ACOT11: variants seen among roughly 807,000 people sequenced by gnomAD.
ACOT11 encodes the protein acyl-CoA thioesterase 11.
In ACOT11, 69 loss-of-function variants were observed where a neutral mutation model predicts 77.5. The observed-to-expected ratio is 0.89, with a 90% CI of 0.73 to 1.09. The LOEUF (loss-of-function observed/expected upper bound fraction) is 1.09. Among genes scored for constraint, ACOT11 ranks in the 50% least tolerant of loss-of-function variants. ACOT11 has a pLI of 0.00. For synonymous variants in ACOT11, 279 were observed against 313.0 expected (o/e 0.89, Z 1.15); for missense variants, 766 against 813.7 (o/e 0.94, Z 0.71).
intron 1 of ACOT11, among the ~76,000 whole-genome samples, chr1:54,556,270 C>G (rs1274039921): frequency 1.3e-5 from 2 of 152,214 alleles, no homozygotes; most frequent in Non-Finnish European, 2.9e-5. Flanking sequence ...CACTACCATA[C>G]TGTTTTGGTT....
chr1:54,593,997 C>G lies in ACOT11; in HGVS notation c.429C>G (p.Cys143Trp). The change falls in exon 5 of 16, where the codon TGC (cysteine) becomes TGG (tryptophan). Residue 143 changes from cysteine (C) to tryptophan (W), a missense_variant. By Grantham distance (215) the Cys-to-Trp change is radical. Coordinates refer to ENST00000343744, the MANE Select transcript of ACOT11 (RefSeq NM_147161.4). ...DLCSEKQWNVCKALATFVARR... is the reference protein window; with the variant it reads ...DLCSEKQWNVWKALATFVARR... ...GCTCTGAGAAGCAGTGGAATGTGTGCAAGGCCTTGGCCACCTTCGTGGCCC... is the reference window on the plus strand; with the variant it reads ...GCTCTGAGAAGCAGTGGAATGTGTGGAAGGCCTTGGCCACCTTCGTGGCCC... 6.2e-7 allele frequency: 1 copy of G among 1,614,202 alleles called. No individual in the cohort carries two copies. The highest frequency in any genetic ancestry group is 8.5e-7 in the Non-Finnish European group (1 of 1,180,018).
At chr1:54,615,526 GGGAGGTCCT>G (rs1553165769) in intron 15 of ACOT11, among the ~76,000 whole-genome samples, 1 of 152,132 alleles carries the variant, frequency 6.6e-6, no homozygotes, top group Non-Finnish European at 1.5e-5. Flanking sequence ...CCAGTGAGGA[GGGAGGTCCT>G]GGAGAGATAC....
chr1:54,593,880 G>C (rs1336629458), intron 4 of ACOT11, 61 bp from the exon 5 acceptor site: 5 of 1,415,370 alleles, frequency 3.5e-6, no homozygotes, highest in Non-Finnish European at 5.0e-6. Context: ...GAGCTGCGGG[G>C]CTTCTAACTG....
intron 1 of ACOT11, among the ~76,000 whole-genome samples, chr1:54,559,374 A>G (rs1569644384): frequency 6.6e-6 from 1 of 152,296 alleles, no homozygotes; most frequent in East Asian, 1.9e-4. Context: ...GAGCAGGGCC[A>G]AGCTGGCATC....
chr1:54,601,808 A>G (rs770026876), intron 9 of ACOT11, among the ~76,000 whole-genome samples: 19 of 152,336 alleles, frequency 1.2e-4, no homozygotes, highest in Middle Eastern at 6.8e-3. Flanking sequence ...CCTACCTCAC[A>G]GGACTGTGGG....
intron 1 of ACOT11, 127 bp downstream of exon 1, chr1:54,548,469 C>G (rs1282456028): frequency 1.6e-6 from 2 of 1,251,366 alleles, no homozygotes; most frequent in Non-Finnish European, 2.2e-6. Context: ...TTTTCTAGCT[C>G]TCTTTGGAAG....
At chr1:54,596,537 C>T (rs1654904802) in intron 6 of ACOT11, among the ~76,000 whole-genome samples, 1 of 152,178 alleles carries the variant, frequency 6.6e-6, no homozygotes, top group African/African-American at 2.4e-5. Context: ...GAAAAACCAT[C>T]CTTTTTGAGA....
chr1:54,569,875 A>G (rs1201262433), intron 1 of ACOT11, among the ~76,000 whole-genome samples: 1 of 152,208 alleles, frequency 6.6e-6, no homozygotes, highest in Non-Finnish European at 1.5e-5. Flanking sequence ...TCAAGTGGTC[A>G]TCTAGGACCA....
intron 16 of ACOT11, among the ~76,000 whole-genome samples, chr1:54,634,521 C>T (rs114931555): frequency 0.01 from 1,592 of 151,932 alleles, 28 homozygotes; most frequent in African/African-American, 0.036. Flanking sequence ...GATTTCATAC[C>T]GATGAACAAC....
At chr1:54,586,418 A>C (rs1654502670) in intron 3 of ACOT11, among the ~76,000 whole-genome samples, 1 of 151,182 alleles carries the variant, frequency 6.6e-6, no homozygotes, top group African/African-American at 2.4e-5. Flanking sequence ...TCATTACTAA[A>C]GTAGACTTTT....
intron 15 of ACOT11, among the ~76,000 whole-genome samples, chr1:54,621,075 A>G (rs1487061295): frequency 6.6e-6 from 1 of 151,036 alleles, no homozygotes; most frequent in Non-Finnish European, 1.5e-5. Context: ...GCAGAGAATC[A>G]CTTGAACCTG....
At chr1:54,602,838 G>A (rs1017672315) in intron 10 of ACOT11, 114 bp downstream of exon 10, 45 of 1,156,594 alleles carry the variant, frequency 3.9e-5, no homozygotes, top group Admixed American at 7.1e-5. Flanking sequence ...CCTGGGCCGG[G>A]CCCTTTACAT....
At chr1:54,612,598 TCTC>T (rs528749251), downstream of ACOT11, 1,410 of 1,613,906 alleles carry the variant, frequency 8.7e-4, 1 homozygote, top group Non-Finnish European at 1.1e-3. Context: ...TCGTGCATCT[TCTC>T]CACCATGGCT....
At position 54,607,213 on chromosome 1, in the gene ACOT11, A is replaced by G. The variant is rs1310155587; in HGVS notation, c.1450A>G (p.Lys484Glu). Reference sequence around the variant, plus strand: ...CAGCCCTGCCCTCGGAGGTCACACAAAGCCCCAGGACTTCGTGATCCTGGC... The same window carrying G: ...CAGCCCTGCCCTCGGAGGTCACACAGAGCCCCAGGACTTCGTGATCCTGGC... The part of the protein sequence containing the change: ...VTSPALGGHT[K>E]PQDFVILASR... Residue 484 changes from lysine (K) to glutamate (E), a missense_variant, in exon 14 of 16, where the codon AAG (lysine) becomes GAG (glutamate). Lys to Glu is a moderately conservative substitution (Grantham distance 56). Coordinates refer to ENST00000343744, the MANE Select transcript of ACOT11 (RefSeq NM_147161.4). This position sits in a 1 kb window ranked among gnomAD's most constrained non-coding sequence, Gnocchi z 4.5. 1.2e-6 allele frequency: 2 copies of G among 1,614,158 alleles called. No individual in the cohort carries two copies. Among genetic ancestry groups the G allele is most frequent in the Non-Finnish European group, 1.7e-6 (2 of 1,180,018 alleles).
At chr1:54,567,899 G>GCC (rs1354480026) in intron 1 of ACOT11, among the ~76,000 whole-genome samples, 2 of 152,154 alleles carry the variant, frequency 1.3e-5, no homozygotes, top group East Asian at 3.9e-4. Context: ...GCAGCAGAGT[G>GCC]ATCTTACAAC....
intron 1 of ACOT11, among the ~76,000 whole-genome samples, chr1:54,561,904 A>G (rs1364173710): frequency 2.3e-3 from 93 of 40,990 alleles, no homozygotes; most frequent in African/African-American, 4.4e-3. Flanking sequence ...CTGGCTGGGC[A>G]GGGGGGCTGA....
chr1:54,562,534 G>T, intron 1 of ACOT11, among the ~76,000 whole-genome samples: 1 of 93,448 alleles, frequency 1.1e-5, no homozygotes, highest in Admixed American at 8.7e-5. Context: ...GGCTGGCCGG[G>T]CGGGGGGCTG....
rs184711159 is a variant in ACOT11 at position 54,572,069 on chromosome 1, G to A, written c.34-12586G>A. Among the ~76,000 whole-genome samples the A allele has an allele frequency of 9.9e-5, 15 of 152,030 alleles. No individual in the cohort carries two copies. The East Asian group carries it at 1.9e-3, about 20-fold the overall frequency. ...TCAGGCAGGAGGAAGGTGCACAGTG[G>A]GGGAGGTCTGGAGCCTGTCCTCCCT... On this transcript the variant is annotated intron_variant, in intron 1 of 15. Transcript: ENST00000343744.
downstream of ACOT11, among the ~76,000 whole-genome samples, chr1:54,612,923 T>A (rs760119594): frequency 6.6e-6 from 1 of 152,154 alleles, no homozygotes; most frequent in Non-Finnish European, 1.5e-5. Flanking sequence ...ATCCTGATTC[T>A]GATCTTGGGC....
Sources: gnomAD v4.1 joint callset for allele counts (sites outside exome capture counted in the v4.1 genomes callset) on GRCh38, gnomAD v4.1.1 for gene constraint, Gnocchi (gnomAD v3.1) non-coding constraint, MANE v1.5 for transcripts, NCBI Gene and HGNC (gene_info 2026-07-23, HGNC 2026-07-21) for gene names.